HDHD5: variants seen among roughly 807,000 people sequenced by gnomAD.
HDHD5 encodes haloacid dehalogenase like hydrolase domain containing 5.
In HDHD5, 34 loss-of-function variants were observed where a neutral mutation model predicts 35.5. That is an observed-to-expected ratio of 0.96 (90% CI 0.73 to 1.28). The LOEUF (loss-of-function observed/expected upper bound fraction) is 1.28. HDHD5 is among the 50% of genes most tolerant of loss of function. The probability of loss-of-function intolerance (pLI) is 0.00; values close to 1 mark genes in which losing one functional copy is unlikely to be tolerated. For missense variants in HDHD5, 589 were observed against 560.2 expected (o/e 1.05, Z -0.52); for synonymous variants, 248 against 240.6 (o/e 1.03, Z -0.29).
At chr22:17,153,483 C>T (rs1303438167) in intron 1 of HDHD5, among the ~76,000 whole-genome samples, 3 of 152,174 alleles carry the variant, frequency 2.0e-5, no homozygotes, top group Non-Finnish European at 2.9e-5. Flanking sequence ...CCTCAATACA[C>T]TCATGTACCC....
chr22:17,159,603 T>C, upstream of HDHD5: 2 of 416,830 alleles, frequency 4.8e-6, no homozygotes, highest in South Asian at 3.3e-5. Flanking sequence ...TCGCGGACTG[T>C]CTGGGCCGGG....
intron 1 of HDHD5, among the ~76,000 whole-genome samples, chr22:17,153,610 G>C (rs1228601113): frequency 6.6e-6 from 1 of 152,130 alleles, no homozygotes; most frequent in Non-Finnish European, 1.5e-5. Context: ...AACACTACAA[G>C]CATTTTTCCT....
chr22:17,164,814 A>G (rs2061882006), intron 1 of HDHD5, among the ~76,000 whole-genome samples: 1 of 152,216 alleles, frequency 6.6e-6, no homozygotes, highest in African/African-American at 2.4e-5. Context: ...AAAAGGAGGG[A>G]AACTGGCATA....
At chr22:17,138,935 G>A (rs1242130748) in intron 6 of HDHD5, among the ~76,000 whole-genome samples, 197 bp from the exon 7 acceptor site, 1 of 152,156 alleles carries the variant, frequency 6.6e-6, no homozygotes, top group East Asian at 1.9e-4. Flanking sequence ...ATGAGATGAC[G>A]CTATTTGTAA....
At chr22:17,145,225 G>A in intron 3 of HDHD5, 108 bp from the exon 4 acceptor site, 2 of 1,529,908 alleles carry the variant, frequency 1.3e-6, no homozygotes, top group Non-Finnish European at 1.8e-6. Context: ...ATCAAGCCAG[G>A]CAGGAGGGCA....
intron 1 of HDHD5, among the ~76,000 whole-genome samples, chr22:17,152,343 C>G (rs1216481321): frequency 6.6e-6 from 1 of 151,986 alleles, no homozygotes; most frequent in African/African-American, 2.4e-5. Context: ...GAGCATTTAC[C>G]TGGGAGAGTG....
chr22:17,157,076 T>TCTCACACACACA lies in HDHD5; in HGVS notation c.126+2049_126+2050insTGTGTGTGTGAG, dbSNP rs1555881505. Reference sequence around the variant, plus strand: ...CCGGGCAACAGAGCTAGACACCGTCTCACACACATACACACACACACACAC... The same window carrying TCTCACACACACA: ...CCGGGCAACAGAGCTAGACACCGTCTCTCACACACACACACACACATACACACACACACACAC... On this transcript the variant is annotated intron_variant, in intron 1 of 7. Transcript: ENST00000336737. Among the ~76,000 whole-genome samples, 304 of 56,156 alleles carry TCTCACACACACA rather than the reference T, an allele frequency of 5.4e-3. 2 individuals are homozygous for TCTCACACACACA. Among genetic ancestry groups the TCTCACACACACA allele is most frequent in the African/African-American group, 0.022 (290 of 13,148 alleles). The allele number at this position is 56,156 out of a possible 152,430, so 36.8% of individuals were successfully genotyped here.
At chr22:17,158,407 G>A (rs1404053216) in intron 1 of HDHD5, 2 of 152,122 alleles carry the variant, frequency 1.3e-5, no homozygotes, top group Admixed American at 6.5e-5. Flanking sequence ...CCTTTTTCCA[G>A]AAAAGGCAAA....
At chr22:17,162,060 A>G (rs2061866666), upstream of HDHD5, among the ~76,000 whole-genome samples, 1 of 152,172 alleles carries the variant, frequency 6.6e-6, no homozygotes, top group Non-Finnish European at 1.5e-5. Context: ...AACTCATTCT[A>G]GGAAAGCTAG....
chr22:17,147,579 G>A (rs1436289651), intron 3 of HDHD5, among the ~76,000 whole-genome samples: 5 of 129,476 alleles, frequency 3.9e-5, no homozygotes, highest in East Asian at 2.4e-4. Flanking sequence ...ACACGCCATC[G>A]CACACGCCCC....
chr22:17,163,368 A>T (rs1223693066), upstream of HDHD5, among the ~76,000 whole-genome samples: 1 of 152,200 alleles, frequency 6.6e-6, no homozygotes, highest in Admixed American at 6.5e-5. Flanking sequence ...AAAAACCCAG[A>T]TTGATGGCGC....
At chr22:17,161,009 C>T (rs2061859753), upstream of HDHD5, among the ~76,000 whole-genome samples, 1 of 152,130 alleles carries the variant, frequency 6.6e-6, no homozygotes, top group Non-Finnish European at 1.5e-5. Context: ...AATCCCAGCA[C>T]TTTGGGAGGC....
At chr22:17,145,959 C>G (rs982531657) in intron 3 of HDHD5, among the ~76,000 whole-genome samples, 1 of 152,116 alleles carries the variant, frequency 6.6e-6, no homozygotes, top group Non-Finnish European at 1.5e-5. Flanking sequence ...TTTTCCTATC[C>G]TCAATTCCAA....
chr22:17,150,596 G>A lies in HDHD5; in HGVS notation c.127-851C>T, dbSNP rs144566480. Among the ~76,000 whole-genome samples, 179 of 149,464 alleles carry A rather than the reference G, an allele frequency of 1.2e-3. 6 individuals are homozygous for A. The East Asian group carries it at 0.016, about 13-fold the overall frequency. On this transcript the variant is annotated intron_variant, in intron 1 of 7. Transcript: ENST00000336737. ...TGCAGCAGCGTTATCTCAGCTCACCGCAACCTCTGCCTCCCACGTTCAAGT... is the reference window on the plus strand; with the variant it reads ...TGCAGCAGCGTTATCTCAGCTCACCACAACCTCTGCCTCCCACGTTCAAGT...
intron 1 of HDHD5, among the ~76,000 whole-genome samples, chr22:17,154,724 A>T (rs1338366960): frequency 1.3e-5 from 2 of 151,444 alleles, no homozygotes; most frequent in Middle Eastern, 3.2e-3. Context: ...CTGAGCTCAA[A>T]GGATCCTCCT....
At chr22:17,150,520 G>GCC (rs1385765906) in intron 1 of HDHD5, among the ~76,000 whole-genome samples, 2 of 121,816 alleles carry the variant, frequency 1.6e-5, no homozygotes, top group Non-Finnish European at 3.5e-5. Flanking sequence ...TCTCTTGGCT[G>GCC]TCTTTTTTTT....
chr22:17,160,785 C>G (rs1183808137), upstream of HDHD5, among the ~76,000 whole-genome samples: 1 of 152,162 alleles, frequency 6.6e-6, no homozygotes, highest in Non-Finnish European at 1.5e-5. Flanking sequence ...TAATTCAAGT[C>G]AGTCAAACTC....
rs530184986 is a variant in HDHD5 at position 17,139,700 on chromosome 22, G to A, written c.747-962C>T. Among the ~76,000 whole-genome samples the A allele has an allele frequency of 8.8e-4, 134 of 152,146 alleles. No individual in the cohort carries two copies. In the South Asian group the frequency reaches 0.014, roughly 16 times the overall value. ...GTGATTCTCCTGCCTCAGCCTCCGA[G>A]TAGCTGGGATTACAGGCACCTGCCA... On this transcript the variant is annotated intron_variant, in intron 6 of 7. Coordinates refer to ENST00000336737, the MANE Select transcript of HDHD5 (RefSeq NM_033070.3).
upstream of HDHD5, among the ~76,000 whole-genome samples, chr22:17,163,834 C>CT (rs1183008318): frequency 1.2e-4 from 19 of 152,324 alleles, no homozygotes; most frequent in East Asian, 3.7e-3. Flanking sequence ...GCCCTGGACT[C>CT]TAAGCTGCTT....
Sources: gnomAD v4.1 joint callset for allele counts (sites outside exome capture counted in the v4.1 genomes callset) on GRCh38, gnomAD v4.1.1 for gene constraint, MANE v1.5 for transcripts, NCBI Gene and HGNC (gene_info 2026-07-23, HGNC 2026-07-21) for gene names.